The following STPG2 variants were observed in gnomAD, a reference collection of about 807,000 sequenced individuals.
STPG2 encodes sperm tail PG-rich repeat containing 2.
In STPG2, 56 loss-of-function variants were observed where a neutral mutation model predicts 54.2. The ratio of observed to expected loss-of-function variants is 1.03; its 90% CI spans 0.83 to 1.29. STPG2 has a LOEUF of 1.29. Among genes scored for constraint, STPG2 ranks in the 50% most tolerant of loss-of-function variants. STPG2 has a pLI of 0.00. For synonymous variants in STPG2, 200 were observed against 181.8 expected (o/e 1.10, Z -0.81); for missense variants, 596 against 544.9 (o/e 1.09, Z -0.93).
At chr4:97,991,331 C>CAT (rs113634927) in intron 5 of STPG2, among the ~76,000 whole-genome samples, 11 of 150,014 alleles carry the variant, frequency 7.3e-5, no homozygotes, top group Non-Finnish European at 1.2e-4. Context: ...CACACATACA[C>CAT]ATATATATAT....
At chr4:97,901,827 G>A (rs1438830443) in intron 8 of STPG2, among the ~76,000 whole-genome samples, 2 of 151,614 alleles carry the variant, frequency 1.3e-5, no homozygotes, top group African/African-American at 4.8e-5. Flanking sequence ...AATTCATATG[G>A]AGCCACAAAA....
At chr4:97,945,586 T>TTTGGTAAA (rs1733181454) in intron 7 of STPG2, among the ~76,000 whole-genome samples, 1 of 152,154 alleles carries the variant, frequency 6.6e-6, no homozygotes, top group South Asian at 2.1e-4. Flanking sequence ...AGTAGTGGGA[T>TTTGGTAAA]TACTAGATCA....
At chr4:97,789,906 TC>T (rs1242884929) in intron 9 of STPG2, among the ~76,000 whole-genome samples, 1 of 152,088 alleles carries the variant, frequency 6.6e-6, no homozygotes, top group East Asian at 1.9e-4. Flanking sequence ...TTCTTTTTAG[TC>T]TTCTCTCCTT....
At chr4:98,137,446 T>C (rs1740164783) in intron 1 of STPG2, among the ~76,000 whole-genome samples, 1 of 151,910 alleles carries the variant, frequency 6.6e-6, no homozygotes, top group African/African-American at 2.4e-5. Flanking sequence ...GTTTTTGTTT[T>C]CCTCTTCCCA....
intron 9 of STPG2, among the ~76,000 whole-genome samples, chr4:97,736,448 T>A (rs954126634): frequency 2.6e-5 from 4 of 152,146 alleles, no homozygotes; most frequent in African/African-American, 9.7e-5. Flanking sequence ...GGAGTTCCCT[T>A]TCCTAGTCAA....
rs200362493 is a variant in STPG2, at chr4:98,128,628, G to C, written c.223-36C>G. 1.6e-4 allele frequency: 236 copies of C among 1,469,134 alleles called. 1 individual carries two copies. The African/African-American group carries it at 3.0e-3, about 19-fold the overall frequency. 91.0% of individuals were successfully genotyped at this position (1,469,134 alleles called of 1,614,324 possible). A position where few individuals can be genotyped will look rare whatever the true frequency, so the allele number is the denominator to read the frequency against. On this transcript the variant is annotated intron_variant, in intron 2 of 10. Coordinates refer to ENST00000295268, the MANE Select transcript of STPG2 (RefSeq NM_174952.3). ...AACATTTTATATTATTTATTCCAAG[G>C]CAAGAGGAAGGGGAATGAAGAACCA...
chr4:97,566,417 G>A (rs553663925), intron 10 of STPG2, among the ~76,000 whole-genome samples: 2 of 152,222 alleles, frequency 1.3e-5, no homozygotes, highest in African/African-American at 4.8e-5. Flanking sequence ...GCCCTGCTTC[G>A]GCTAGCACAT....
chr4:97,815,009 G>A (rs897523669), intron 9 of STPG2, among the ~76,000 whole-genome samples: 1 of 151,986 alleles, frequency 6.6e-6, no homozygotes, highest in African/African-American at 2.4e-5. Context: ...TTGTTATTAA[G>A]GTCAATGCAA....
At chr4:98,085,546 T>G (rs1294590535) in intron 5 of STPG2, among the ~76,000 whole-genome samples, 1 of 152,100 alleles carries the variant, frequency 6.6e-6, no homozygotes, top group Non-Finnish European at 1.5e-5. Flanking sequence ...TCAACTTTTT[T>G]AGATCTTTTC....
chr4:97,542,243 A>C (rs1325932640), intron 4 of STPG2, among the ~76,000 whole-genome samples: 1 of 152,226 alleles, frequency 6.6e-6, no homozygotes, highest in African/African-American at 2.4e-5. Flanking sequence ...TAATATCCAG[A>C]ATCTACAAAG....
At chr4:97,623,909 T>A (rs929326600) in intron 10 of STPG2, among the ~76,000 whole-genome samples, 3 of 152,158 alleles carry the variant, frequency 2.0e-5, no homozygotes, top group African/African-American at 7.2e-5. Flanking sequence ...TGTTTCTGCA[T>A]TAGTTTGCTG....
At chr4:97,989,957 G>A (rs957383679) in intron 5 of STPG2, among the ~76,000 whole-genome samples, 3 of 152,204 alleles carry the variant, frequency 2.0e-5, no homozygotes, top group Non-Finnish European at 2.9e-5. Flanking sequence ...AAAACCACAG[G>A]AGGTGAAGGT....
intron 10 of STPG2, among the ~76,000 whole-genome samples, chr4:97,646,762 A>G (rs1435500184): frequency 6.6e-6 from 1 of 152,156 alleles, no homozygotes; most frequent in East Asian, 1.9e-4. Flanking sequence ...TAATAATTTC[A>G]AAATCATTTG....
intron 10 of STPG2, among the ~76,000 whole-genome samples, chr4:97,702,922 G>T (rs570332644): frequency 2.4e-4 from 37 of 152,236 alleles, no homozygotes; most frequent in Middle Eastern, 3.4e-3. Context: ...TTTCTCTACA[G>T]GAGGTAAGAC....
At chr4:97,937,948 C>T (rs1351102571) in intron 8 of STPG2, among the ~76,000 whole-genome samples, 2 of 152,172 alleles carry the variant, frequency 1.3e-5, no homozygotes, top group African/African-American at 4.8e-5. Context: ...GGCAAACCCA[C>T]TCATCTGGGC....
At chr4:97,740,517 C>G (rs918889456) in intron 9 of STPG2, among the ~76,000 whole-genome samples, 4 of 152,126 alleles carry the variant, frequency 2.6e-5, no homozygotes, top group Admixed American at 2.6e-4. Context: ...AGCAAAGTCT[C>G]AGGATACAAA....
chr4:97,736,281 C>T (rs942298536), intron 9 of STPG2, among the ~76,000 whole-genome samples: 6 of 152,166 alleles, frequency 3.9e-5, no homozygotes, highest in East Asian at 1.9e-4. Context: ...GTGTGAGCGA[C>T]GCAGAAGATG....
At chr4:97,869,240 CAATT>C (rs928666662) in intron 8 of STPG2, among the ~76,000 whole-genome samples, 3 of 151,704 alleles carry the variant, frequency 2.0e-5, no homozygotes, top group Middle Eastern at 3.4e-3. Flanking sequence ...AATCTATATT[CAATT>C]AGTTTATAAT....
intron 10 of STPG2, among the ~76,000 whole-genome samples, chr4:97,573,046 G>A (rs1049067123): frequency 1.3e-5 from 2 of 151,902 alleles, no homozygotes; most frequent in Non-Finnish European, 2.9e-5. Context: ...GTTTGTTATC[G>A]TCCCTCTGCA....
Sources: allele counts gnomAD v4.1 joint callset (sites outside exome capture counted in the v4.1 genomes callset), GRCh38; gene constraint gnomAD v4.1.1; transcripts MANE v1.5; gene names NCBI Gene and HGNC (gene_info 2026-07-23, HGNC 2026-07-21).